Variants in EFCAB5 observed in about 807,000 individuals in gnomAD.
EFCAB5 encodes EF-hand calcium-binding domain-containing protein 5.
In EFCAB5, 131 loss-of-function variants were observed where a neutral mutation model predicts 167.9. The observed-to-expected ratio is 0.78, with a 90% confidence interval of 0.68 to 0.90. EFCAB5 has a LOEUF of 0.90. Ranked by LOEUF, EFCAB5 falls within the 40% of genes least tolerant of loss-of-function variation. EFCAB5 has a pLI of 0.00. For synonymous variants in EFCAB5, 574 were observed against 602.8 expected, an observed-to-expected ratio of 0.95 and a Z score of 0.70; for missense variants, 1,663 against 1,745.2, an observed-to-expected ratio of 0.95 and a Z score of 0.84.
intron 22 of EFCAB5, among the ~76,000 whole-genome samples, chr17:30,105,248 C>T (rs2071433249): frequency 6.6e-6 from 1 of 152,082 alleles, no homozygotes; most frequent in South Asian, 2.1e-4. Flanking sequence ...GTAATCCCAG[C>T]ACCTTGGGAG....
chr17:30,000,620 A>C (rs11868119), intron 7 of EFCAB5, among the ~76,000 whole-genome samples: 3,083 of 152,236 alleles, frequency 0.02, 52 homozygotes, highest in Non-Finnish European at 0.03. Context: ...TTCCAGAGTC[A>C]AGGTAACTTT....
intron 18 of EFCAB5, among the ~76,000 whole-genome samples, chr17:30,085,753 T>G (rs1274165076): frequency 6.8e-6 from 1 of 146,640 alleles, no homozygotes; most frequent in Non-Finnish European, 1.5e-5. Context: ...AGAAAAGAAA[T>G]AAATTTGGAA....
intron 8 of EFCAB5, among the ~76,000 whole-genome samples, chr17:30,049,497 A>C (rs904581703): frequency 2.0e-5 from 3 of 152,022 alleles, no homozygotes; most frequent in African/African-American, 7.2e-5. Flanking sequence ...AAACAAAAAC[A>C]AAAACAAACA....
At chr17:29,987,288 T>G (rs1280323943) in intron 4 of EFCAB5, among the ~76,000 whole-genome samples, 1 of 152,208 alleles carries the variant, frequency 6.6e-6, no homozygotes, top group African/African-American at 2.4e-5. Flanking sequence ...TTGATATGTC[T>G]GCAACCGGTG....
In EFCAB5 at chr17:30,065,018, C is replaced by T. The variant is rs147783388; in HGVS notation, c.2737+5317C>T. ...AAAGTCTTTCACAGATAAGCAAAAA[C>T]TTGAGGGAAATTATCACCACTAAAC... On this transcript the variant is annotated intron_variant, in intron 14 of 22. Transcript: ENST00000394835. Among the ~76,000 whole-genome samples, 29 of 152,306 alleles carry T rather than the reference C, an allele frequency of 1.9e-4. 1 individual carries two copies. Among genetic ancestry groups the T allele is most frequent in the African/African-American group, 6.5e-4 (27 of 41,562 alleles).
chr17:30,090,152 T>C (rs2071166044), intron 19 of EFCAB5, among the ~76,000 whole-genome samples: 1 of 152,114 alleles, frequency 6.6e-6, no homozygotes, highest in African/African-American at 2.4e-5. Flanking sequence ...AAGCAAAGTA[T>C]CATGATGGAG....
chr17:30,024,415 G>C (rs2069262079), intron 7 of EFCAB5, among the ~76,000 whole-genome samples: 1 of 152,140 alleles, frequency 6.6e-6, no homozygotes, highest in Admixed American at 6.5e-5. Flanking sequence ...CAAATCATGA[G>C]TGAACTCCCA....
At chr17:30,020,943 T>TAATA (rs748479011) in intron 7 of EFCAB5, among the ~76,000 whole-genome samples, 307 of 28,256 alleles carry the variant, frequency 0.011, 1 homozygote, top group African/African-American at 0.026. Context: ...CAAATTATTG[T>TAATA]ATCAGCATGT....
At chr17:30,095,047 C>T (rs2071269944) in intron 22 of EFCAB5, among the ~76,000 whole-genome samples, 1 of 152,190 alleles carries the variant, frequency 6.6e-6, no homozygotes, top group Non-Finnish European at 1.5e-5. Flanking sequence ...ACCTCTGCTG[C>T]CAGCCTCACC....
intron 3 of EFCAB5, among the ~76,000 whole-genome samples, chr17:29,965,988 G>A (rs1266908711): frequency 6.6e-6 from 1 of 151,754 alleles, no homozygotes; most frequent in Non-Finnish European, 1.5e-5. Flanking sequence ...GTAGTTCCAA[G>A]GAAATAAATT....
At chr17:30,000,785 G>A (rs1355172261) in intron 7 of EFCAB5, among the ~76,000 whole-genome samples, 2 of 152,158 alleles carry the variant, frequency 1.3e-5, no homozygotes, top group African/African-American at 4.8e-5. Flanking sequence ...TGTTCTAACT[G>A]TGTTTTCTTA....
intron 10 of EFCAB5, 44 bp downstream of exon 10, chr17:30,054,192 G>A (rs1438438058): frequency 4.1e-6 from 6 of 1,468,980 alleles, no homozygotes; most frequent in Non-Finnish European, 5.4e-6. Context: ...CTGTTTTGTG[G>A]AATGGTTTTT....
chr17:30,004,407 G>C (rs934668464), intron 7 of EFCAB5, among the ~76,000 whole-genome samples: 1 of 152,168 alleles, frequency 6.6e-6, no homozygotes, highest in Admixed American at 6.5e-5. Context: ...GGGGCAAGGT[G>C]CCTTGTTATT....
At chr17:30,036,105 T>C (rs902738946) in intron 8 of EFCAB5, among the ~76,000 whole-genome samples, 2 of 143,964 alleles carry the variant, frequency 1.4e-5, no homozygotes, top group Non-Finnish European at 3.0e-5. Flanking sequence ...TATTTATACA[T>C]ATTTAATATA....
Position 30,002,706 on chromosome 17 carries a change from C to G in EFCAB5, c.1044+2730C>G, listed in dbSNP as rs150692020. Among the ~76,000 whole-genome samples, 1,218 of 152,214 alleles carry G rather than the reference C, an allele frequency of 8.0e-3. 11 individuals are homozygous for G. The highest frequency in any genetic ancestry group is 0.024 in the African/African-American group (1,011 of 41,544). ...TTCAAGATTCCTTCTTTTATGCACT[C>G]TATTTAGAGAATTTCTTCTATAGCC... On this transcript the variant is annotated intron_variant, in intron 7 of 22. Coordinates refer to ENST00000394835, the MANE Select transcript of EFCAB5 (RefSeq NM_198529.4).
Position 30,092,171 on chromosome 17 carries a change from T to TA in EFCAB5, c.4224+19dup, listed in dbSNP as rs770816239. 1.4e-5 allele frequency: 22 copies of TA among 1,594,606 alleles called. No homozygotes were observed. The highest frequency in any genetic ancestry group is 5.6e-5 in the South Asian group (5 of 88,630). Reference sequence around the variant, plus strand: ...AAGTGTAAATTTGTAAGTTTTTTTTTAAAAAGCACCTTTTAAATTGAAGAA... The same window carrying TA: ...AAGTGTAAATTTGTAAGTTTTTTTTTAAAAAAGCACCTTTTAAATTGAAGAA... On this transcript the variant is annotated intron_variant, in intron 21 of 22. Coordinates refer to ENST00000394835, the MANE Select transcript of EFCAB5 (RefSeq NM_198529.4).
intron 3 of EFCAB5, among the ~76,000 whole-genome samples, chr17:29,959,940 C>A (rs978096136): frequency 6.6e-6 from 1 of 152,124 alleles, no homozygotes; most frequent in Non-Finnish European, 1.5e-5. Context: ...GATTTCCTTT[C>A]AAGTTTATTT....
At chr17:30,077,432 A>G (rs2070890664) in intron 14 of EFCAB5, among the ~76,000 whole-genome samples, 1 of 152,196 alleles carries the variant, frequency 6.6e-6, no homozygotes, top group Non-Finnish European at 1.5e-5. Context: ...AACTATAATA[A>G]CATTGGGAAA....
chr17:30,019,362 A>C (rs1202502694), intron 7 of EFCAB5, among the ~76,000 whole-genome samples: 1 of 152,040 alleles, frequency 6.6e-6, no homozygotes, highest in East Asian at 1.9e-4. Context: ...TTGAGTAATC[A>C]TATGATTATA....
Sources: allele counts gnomAD v4.1 joint callset (sites outside exome capture counted in the v4.1 genomes callset), GRCh38; gene constraint gnomAD v4.1.1; transcripts MANE v1.5; gene names NCBI Gene and HGNC (gene_info 2026-07-23, HGNC 2026-07-21).